Variants in IL1RAPL2 observed in about 807,000 individuals in gnomAD.
IL1RAPL2 encodes the protein interleukin 1 receptor accessory protein like 2.
A neutral mutation model predicts 44.1 loss-of-function variants in IL1RAPL2; 3 were observed. The ratio of observed to expected loss-of-function variants is 0.07; its 90% CI spans 0.03 to 0.18. The LOEUF is 0.18. Among genes scored for constraint, IL1RAPL2 ranks in the 10% least tolerant of loss-of-function variants. The probability of loss-of-function intolerance (pLI) is 1.00; values close to 1 mark genes in which losing one functional copy is unlikely to be tolerated. For missense variants in IL1RAPL2, 391 were observed against 496.4 expected (o/e 0.79, Z 2.02); for synonymous variants, 181 against 178.8 (o/e 1.01, Z -0.10).
intron 2 of IL1RAPL2, among the ~76,000 whole-genome samples, chrX:105,112,304 G>A (rs1169624556): frequency 1.8e-5 from 2 of 112,174 alleles, no homozygotes; most frequent in Non-Finnish European, 3.8e-5. Context: ...TTGCCAGAGA[G>A]TCTTGCTTAA....
At chrX:104,604,279 C>T (rs1164717999) in intron 1 of IL1RAPL2, among the ~76,000 whole-genome samples, 3 of 111,621 alleles carry the variant, frequency 2.7e-5, no homozygotes, top group Non-Finnish European at 5.6e-5. Flanking sequence ...CACCACCAGG[C>T]CTGCCTTACA....
chrX:104,986,518 CA>C (rs780416193), intron 2 of IL1RAPL2, among the ~76,000 whole-genome samples: 1 of 112,239 alleles, frequency 8.9e-6, no homozygotes, highest in Non-Finnish European at 1.9e-5. Flanking sequence ...AAAAGTAGAA[CA>C]ACTAGTTAAA....
intron 2 of IL1RAPL2, among the ~76,000 whole-genome samples, chrX:104,841,343 T>C: frequency 8.9e-6 from 1 of 112,005 alleles, no homozygotes; most frequent in Non-Finnish European, 1.9e-5. Context: ...CTTTATATAA[T>C]TTGCCAGTCT....
intron 2 of IL1RAPL2, among the ~76,000 whole-genome samples, chrX:104,736,706 C>G (rs991983282): frequency 1.5e-4 from 17 of 112,211 alleles, no homozygotes; most frequent in Admixed American, 1.2e-3. Flanking sequence ...TGCTGAAGAA[C>G]AAGAAATTAA....
intron 1 of IL1RAPL2, among the ~76,000 whole-genome samples, chrX:104,632,177 C>G (rs1246382605): frequency 9.0e-6 from 1 of 111,228 alleles, no homozygotes; most frequent in African/African-American, 3.3e-5. Flanking sequence ...TTTCTGAGGG[C>G]TCTGTTCTGT....
At chrX:105,276,009 C>T (rs1427930207) in intron 5 of IL1RAPL2, among the ~76,000 whole-genome samples, 2 of 112,007 alleles carry the variant, frequency 1.8e-5, no homozygotes, top group African/African-American at 6.5e-5. Flanking sequence ...TGTTGGTATA[C>T]CAATCCATTG....
At chrX:104,799,183 T>C (rs1932869865) in intron 2 of IL1RAPL2, among the ~76,000 whole-genome samples, 1 of 110,866 alleles carries the variant, frequency 9.0e-6, no homozygotes, top group African/African-American at 3.3e-5. Flanking sequence ...CTATATGACC[T>C]GGTTTGATGA....
intron 5 of IL1RAPL2, among the ~76,000 whole-genome samples, chrX:105,316,947 G>A (rs1255114727): frequency 9.1e-6 from 1 of 110,472 alleles, no homozygotes; most frequent in African/African-American, 3.3e-5. Flanking sequence ...TATCTGTAAA[G>A]CCAAACTTGA....
chrX:105,252,244 G>T (rs1246442080), intron 4 of IL1RAPL2, among the ~76,000 whole-genome samples: 1 of 111,306 alleles, frequency 9.0e-6, no homozygotes, highest in South Asian at 3.7e-4. Flanking sequence ...ACCCATCTAT[G>T]TTATGACATA....
At chrX:105,413,302 A>G (rs2035710411) in intron 5 of IL1RAPL2, among the ~76,000 whole-genome samples, 1 of 111,787 alleles carries the variant, frequency 8.9e-6, no homozygotes, top group Admixed American at 9.5e-5. Flanking sequence ...TGTTATATGG[A>G]AATGGGAGGA....
intron 2 of IL1RAPL2, among the ~76,000 whole-genome samples, chrX:105,159,699 G>A (rs1245735750): frequency 8.9e-6 from 1 of 111,770 alleles, no homozygotes. Flanking sequence ...AGAACCATTT[G>A]GGGGCAGACA....
chrX:104,704,035 T>C (rs867421373), intron 2 of IL1RAPL2, among the ~76,000 whole-genome samples: 6 of 111,696 alleles, frequency 5.4e-5, no homozygotes, highest in Admixed American at 3.8e-4. Flanking sequence ...AAATCAGATT[T>C]TTTTCCAGAA....
intron 2 of IL1RAPL2, among the ~76,000 whole-genome samples, chrX:105,118,812 G>A (rs1310729727): frequency 8.9e-6 from 1 of 112,123 alleles, no homozygotes; most frequent in Non-Finnish European, 1.9e-5. Context: ...TGTTCATCAT[G>A]TGCCATAGCT....
At chrX:105,062,133 G>A in intron 2 of IL1RAPL2, among the ~76,000 whole-genome samples, 1 of 110,712 alleles carries the variant, frequency 9.0e-6, no homozygotes, top group East Asian at 2.8e-4. Context: ...CTTCCTTTTA[G>A]TGAAGGTGGT....
intron 2 of IL1RAPL2, among the ~76,000 whole-genome samples, chrX:105,078,049 C>T (rs752427707): frequency 2.1e-4 from 23 of 112,084 alleles, no homozygotes; most frequent in South Asian, 7.4e-4. Flanking sequence ...CGTCATTCTC[C>T]GTCCAGCTTT....
In IL1RAPL2 at chrX:105,711,287, A is replaced by G. The variant is rs140817634; in HGVS notation, c.773-6080A>G. 4.3e-4 allele frequency among the ~76,000 whole-genome samples: 48 copies of G among 111,052 alleles called. 1 individual carries two copies. The highest frequency in any genetic ancestry group is 1.5e-3 in the African/African-American group (45 of 30,508). On this transcript the variant is annotated intron_variant, in intron 6 of 10. Coordinates refer to ENST00000372582, the MANE Select transcript of IL1RAPL2 (RefSeq NM_017416.2). ...GAGAAATCTAAGAGATGGCACCAACATCTAGTGAGGGTCATCCTGTAATAG... is the reference window on the plus strand; with the variant it reads ...GAGAAATCTAAGAGATGGCACCAACGTCTAGTGAGGGTCATCCTGTAATAG...
At chrX:105,583,414 G>A (rs1449412395) in intron 6 of IL1RAPL2, among the ~76,000 whole-genome samples, 1 of 111,757 alleles carries the variant, frequency 8.9e-6, no homozygotes, top group African/African-American at 3.2e-5. Flanking sequence ...GATTACAGGC[G>A]TGAGCTACGG....
rs1356403488 is a variant in IL1RAPL2 at position 105,520,911 on chromosome X, A to ATTTCTTTC, written c.772+36532_772+36539dup. Among the ~76,000 whole-genome samples the ATTTCTTTC allele has an allele frequency of 8.5e-4, 45 of 53,029 alleles. 2 individuals are homozygous for ATTTCTTTC. Among genetic ancestry groups the ATTTCTTTC allele is most frequent in the African/African-American group, 3.1e-3 (44 of 14,333 alleles). The allele number at this position is 53,029 out of a possible 115,157, so 46.0% of individuals were successfully genotyped here. On this transcript the variant is annotated intron_variant, in intron 6 of 10. Coordinates refer to ENST00000372582, the MANE Select transcript of IL1RAPL2 (RefSeq NM_017416.2). ...AAGGCTTAGAAGCAATATTATAGCT[A>ATTTCTTTC]TTTCTTTCTTTCTTTTTTTTTTTTT...
rs150405222 is a variant in IL1RAPL2 at position 104,661,880 on chromosome X, A to C, written c.82+2885A>C. Among the ~76,000 whole-genome samples the C allele has an allele frequency of 1.5e-3, 164 of 111,832 alleles. 2 individuals carry two copies. The highest frequency in any genetic ancestry group is 4.9e-3 in the African/African-American group (150 of 30,826). On this transcript the variant is annotated intron_variant, in intron 2 of 10. Transcript: ENST00000372582. ...TCCCTTCCCTCAAGTCAAGAAATGA[A>C]AAACGATTGCACCCTTTATTCATTA...
Sources: allele counts gnomAD v4.1 joint callset (sites outside exome capture counted in the v4.1 genomes callset), GRCh38; gene constraint gnomAD v4.1.1; transcripts MANE v1.5; gene names NCBI Gene and HGNC (gene_info 2026-07-23, HGNC 2026-07-21).